KCNIP4: variants seen among roughly 807,000 people sequenced by gnomAD.
KCNIP4 encodes the protein potassium voltage-gated channel interacting protein 4, also known as Kv channel-interacting protein 4.
A neutral mutation model predicts 34.0 loss-of-function variants in KCNIP4; 12 were observed. The observed-to-expected ratio is 0.35, with a 90% confidence interval of 0.23 to 0.57. KCNIP4 has a LOEUF of 0.57. Among genes scored for constraint, KCNIP4 ranks in the 20% least tolerant of loss-of-function variants. KCNIP4 has a pLI of 0.83. For missense variants in KCNIP4, 238 were observed against 311.7 expected (o/e 0.76, Z 1.78); for synonymous variants, 124 against 102.2 (o/e 1.21, Z -1.29).
intron 1 of KCNIP4, among the ~76,000 whole-genome samples, chr4:21,342,976 T>G (rs554203879): frequency 1.3e-5 from 2 of 152,226 alleles, no homozygotes; most frequent in East Asian, 3.9e-4. Context: ...TGTTCATTTT[T>G]TTTTCTGAGC....
At chr4:21,793,240 C>T (rs10033262) in intron 1 of KCNIP4, among the ~76,000 whole-genome samples, 13,283 of 152,128 alleles carry the variant, frequency 0.087, 1,985 homozygotes, top group African/African-American at 0.3. Context: ...CACATTGACA[C>T]GTTCTGGACA....
At chr4:20,825,028 G>A (rs1343003838) in intron 3 of KCNIP4, among the ~76,000 whole-genome samples, 2 of 151,986 alleles carry the variant, frequency 1.3e-5, no homozygotes, top group Non-Finnish European at 2.9e-5. Context: ...TGAACCGAGG[G>A]ATATTTTACT....
intron 1 of KCNIP4, among the ~76,000 whole-genome samples, chr4:21,681,803 A>C (rs1750378744): frequency 1.3e-5 from 2 of 152,178 alleles, no homozygotes; most frequent in South Asian, 2.1e-4. Flanking sequence ...TCATGGCAGA[A>C]GGCAAAGGGA....
intron 1 of KCNIP4, among the ~76,000 whole-genome samples, chr4:21,622,958 T>C (rs764413734): frequency 1.4e-5 from 2 of 138,882 alleles, no homozygotes; most frequent in Non-Finnish European, 3.3e-5. Flanking sequence ...TATCCAGTCA[T>C]TTATATTTTT....
intron 1 of KCNIP4, among the ~76,000 whole-genome samples, chr4:21,236,766 T>C (rs988166671): frequency 6.6e-6 from 1 of 151,802 alleles, no homozygotes; most frequent in African/African-American, 2.4e-5. Context: ...TCCCAGCACT[T>C]TGGGAGGCTG....
At chr4:21,123,476 C>T (rs532538087) in intron 1 of KCNIP4, among the ~76,000 whole-genome samples, 14 of 152,216 alleles carry the variant, frequency 9.2e-5, no homozygotes, top group Admixed American at 3.9e-4. Context: ...AGCCTCTTTA[C>T]GCTCTTAAAA....
intron 1 of KCNIP4, among the ~76,000 whole-genome samples, chr4:21,104,217 A>G (rs1283196393): frequency 2.0e-5 from 3 of 151,912 alleles, no homozygotes; most frequent in Non-Finnish European, 4.4e-5. Flanking sequence ...CCAACAGTAT[A>G]AAAGTGTTCC....
chr4:21,696,286 G>A (rs574451760), intron 1 of KCNIP4, among the ~76,000 whole-genome samples: 30 of 151,776 alleles, frequency 2.0e-4, no homozygotes, highest in Middle Eastern at 3.5e-3. Flanking sequence ...TACTTTCTTA[G>A]GTAAAATGTT....
intron 1 of KCNIP4, among the ~76,000 whole-genome samples, chr4:21,557,478 A>G (rs940369935): frequency 6.6e-6 from 1 of 152,148 alleles, no homozygotes; most frequent in Non-Finnish European, 1.5e-5. Context: ...GACTTCTGTA[A>G]TATTTTAGTG....
chr4:21,474,938 T>A (rs759776541), intron 1 of KCNIP4, among the ~76,000 whole-genome samples: 39 of 147,656 alleles, frequency 2.6e-4, no homozygotes, highest in Non-Finnish European at 5.1e-4. Context: ...GAGGCGGAGG[T>A]TGCAGTGAGC....
At chr4:21,065,953 C>T (rs1744344971) in intron 1 of KCNIP4, among the ~76,000 whole-genome samples, 1 of 151,760 alleles carries the variant, frequency 6.6e-6, no homozygotes, top group Admixed American at 6.6e-5. Flanking sequence ...TACCAAGATA[C>T]TCACTTGTAA....
intron 2 of KCNIP4, among the ~76,000 whole-genome samples, chr4:20,877,702 T>C (rs937848409): frequency 1.3e-5 from 2 of 152,204 alleles, no homozygotes; most frequent in Non-Finnish European, 2.9e-5. Flanking sequence ...GCCAACCGTA[T>C]GAAATTTTCT....
chr4:21,184,813 T>C (rs979526680), intron 1 of KCNIP4, among the ~76,000 whole-genome samples: 1 of 152,184 alleles, frequency 6.6e-6, no homozygotes, highest in African/African-American at 2.4e-5. Context: ...ATGGCATATT[T>C]CAGTACTAGC....
chr4:21,228,560 T>C (rs1577921443), intron 1 of KCNIP4, among the ~76,000 whole-genome samples: 1 of 152,298 alleles, frequency 6.6e-6, no homozygotes, highest in African/African-American at 2.4e-5. Flanking sequence ...TAAAATGCTG[T>C]TGAAACACAC....
chr4:21,123,749 C>T (rs1161078492), intron 1 of KCNIP4, among the ~76,000 whole-genome samples: 9 of 152,124 alleles, frequency 5.9e-5, no homozygotes, highest in South Asian at 2.1e-4. Flanking sequence ...GTGGGGCCCT[C>T]GCAATGGGAT....
At chr4:21,350,732 C>A (rs186531189) in intron 1 of KCNIP4, among the ~76,000 whole-genome samples, 1 of 152,272 alleles carries the variant, frequency 6.6e-6, no homozygotes, top group African/African-American at 2.4e-5. Context: ...CACCACCCAT[C>A]ATCAACTGAG....
chr4:21,049,371 C>T (rs995388015), intron 1 of KCNIP4, among the ~76,000 whole-genome samples: 3 of 152,068 alleles, frequency 2.0e-5, no homozygotes, highest in African/African-American at 4.8e-5. Context: ...GTTTTAAGCC[C>T]GTAAGTTTTG....
chr4:20,905,522 T>TTTTTTTTTTTTTTTTTTTTTTG (rs768668990), intron 1 of KCNIP4, among the ~76,000 whole-genome samples: 113 of 111,236 alleles, frequency 1.0e-3, no homozygotes, highest in East Asian at 1.8e-3. Flanking sequence ...TTTTTTTTTT[T>TTTTTTTTTTTTTTTTTTTTTTG]TTTGTTTGAG....
chr4:21,757,073 C>T (rs1717581095), intron 1 of KCNIP4, among the ~76,000 whole-genome samples: 1 of 144,350 alleles, frequency 6.9e-6, no homozygotes, highest in Admixed American at 7.4e-5. Flanking sequence ...TGCACTCCAG[C>T]CTGAGCAACA....
Sources: allele counts gnomAD v4.1 joint callset (sites outside exome capture counted in the v4.1 genomes callset), GRCh38; gene constraint gnomAD v4.1.1; transcripts MANE v1.5; gene names NCBI Gene and HGNC (gene_info 2026-07-23, HGNC 2026-07-21).